KCNK13: variants seen among roughly 807,000 people sequenced by gnomAD.
The protein encoded by KCNK13 is potassium channel subfamily K member 13.
In KCNK13, 12 loss-of-function variants were observed where a neutral mutation model predicts 23.4. The ratio of observed to expected loss-of-function variants is 0.51; its 90% CI spans 0.33 to 0.83. The LOEUF is 0.83. KCNK13 is among the 40% of genes least tolerant of loss of function. The probability of loss-of-function intolerance (pLI) is 0.02; values close to 1 mark genes in which losing one functional copy is unlikely to be tolerated. For synonymous variants in KCNK13, 231 were observed against 229.5 expected, an observed-to-expected ratio of 1.01 and a Z score of -0.06; for missense variants, 463 against 556.3, an observed-to-expected ratio of 0.83 and a Z score of 1.69.
chr14:90,139,353 C>A (rs1206493243), intron 1 of KCNK13, among the ~76,000 whole-genome samples: 2 of 152,030 alleles, frequency 1.3e-5, no homozygotes, highest in Non-Finnish European at 2.9e-5. Flanking sequence ...GAAGAGCATT[C>A]CAGGCAGAGA....
chr14:90,104,411 C>G (rs1176327982), intron 1 of KCNK13, among the ~76,000 whole-genome samples: 1 of 152,200 alleles, frequency 6.6e-6, no homozygotes, highest in African/African-American at 2.4e-5. Flanking sequence ...TTCTGGAAAC[C>G]TCACTGAGAA....
At chr14:90,167,741 T>C (rs945957392) in intron 1 of KCNK13, among the ~76,000 whole-genome samples, 5 of 152,102 alleles carry the variant, frequency 3.3e-5, no homozygotes, top group Admixed American at 1.3e-4. Context: ...CTCTATCACA[T>C]TGCTGCATCT....
intron 1 of KCNK13, among the ~76,000 whole-genome samples, chr14:90,087,154 A>ATATATTTT (rs1282261147): frequency 2.8e-5 from 3 of 107,646 alleles, no homozygotes; most frequent in African/African-American, 1.1e-4. Context: ...ATATATATAT[A>ATATATTTT]TTTTTTTTTT....
At chr14:90,117,760 C>T (rs1889694018) in intron 1 of KCNK13, among the ~76,000 whole-genome samples, 1 of 152,128 alleles carries the variant, frequency 6.6e-6, no homozygotes, top group Non-Finnish European at 1.5e-5. Context: ...GCACCCATTA[C>T]CTCTATCTAG....
chr14:90,088,522 C>T (rs1889307545), intron 1 of KCNK13, among the ~76,000 whole-genome samples: 1 of 152,202 alleles, frequency 6.6e-6, no homozygotes, highest in South Asian at 2.1e-4. Flanking sequence ...CTGCTGTGGA[C>T]CTCAGAGTGC....
intron 1 of KCNK13, among the ~76,000 whole-genome samples, chr14:90,095,483 C>T (rs1889399858): frequency 6.6e-6 from 1 of 150,516 alleles, no homozygotes; most frequent in Non-Finnish European, 1.5e-5. Flanking sequence ...TCTTCTGCTG[C>T]TTCTAATCAG....
At chr14:90,071,930 G>A (rs977409600) in intron 1 of KCNK13, among the ~76,000 whole-genome samples, 1 of 152,008 alleles carries the variant, frequency 6.6e-6, no homozygotes, top group African/African-American at 2.4e-5. Flanking sequence ...GAGAAGAGTA[G>A]GGGAAGATGG....
At chr14:90,078,125 G>T (rs1889161810) in intron 1 of KCNK13, among the ~76,000 whole-genome samples, 3 of 152,110 alleles carry the variant, frequency 2.0e-5, no homozygotes, top group African/African-American at 7.2e-5. Context: ...GCTGTATAAA[G>T]AAATGTATAA....
chr14:90,165,949 C>G (rs566262558), intron 1 of KCNK13, among the ~76,000 whole-genome samples: 18 of 152,298 alleles, frequency 1.2e-4, no homozygotes, highest in African/African-American at 4.1e-4. Context: ...GATTCCCATG[C>G]AGCCGATTTT....
intron 1 of KCNK13, among the ~76,000 whole-genome samples, chr14:90,103,314 T>C (rs1327475805): frequency 1.3e-5 from 2 of 152,216 alleles, no homozygotes; most frequent in Non-Finnish European, 2.9e-5. Flanking sequence ...ATAGGATTTC[T>C]GGATCAAACG....
chr14:90,117,937 T>C (rs8008501), intron 1 of KCNK13, among the ~76,000 whole-genome samples: 73,567 of 152,118 alleles, frequency 0.48, 17,829 homozygotes, highest in African/African-American at 0.5. Flanking sequence ...AGTATGTGAC[T>C]TTTGTGTCTG....
intron 1 of KCNK13, among the ~76,000 whole-genome samples, chr14:90,179,674 C>T (rs1168761806): frequency 6.6e-6 from 1 of 152,160 alleles, no homozygotes; most frequent in Non-Finnish European, 1.5e-5. Flanking sequence ...GGGCTGAACA[C>T]CGATCAGATA....
chr14:90,109,176 CA>C (rs200541882), intron 1 of KCNK13, among the ~76,000 whole-genome samples: 2,777 of 131,220 alleles, frequency 0.021, 78 homozygotes, highest in African/African-American at 0.07. Context: ...GACTCCGTCT[CA>C]AAAAAAAAAA....
At chr14:90,183,347 C>T (rs1264467105) in intron 1 of KCNK13, among the ~76,000 whole-genome samples, 1 of 152,082 alleles carries the variant, frequency 6.6e-6, no homozygotes, top group Non-Finnish European at 1.5e-5. Flanking sequence ...GCTAGAAATG[C>T]CCATAATCCC....
chr14:90,119,130 C>T (rs550331504), intron 1 of KCNK13, among the ~76,000 whole-genome samples: 121 of 152,166 alleles, frequency 8.0e-4, no homozygotes, highest in Non-Finnish European at 1.3e-3. Flanking sequence ...TAACAAGCTC[C>T]AAAATTGAAT....
In KCNK13 at chr14:90,184,135, CAGT is replaced by C. The variant is rs1890517744; in HGVS notation, c.362_364del (p.Val121del). The C allele has an allele frequency of 6.2e-7, 1 of 1,613,570 alleles. No individual in the cohort carries two copies. Among genetic ancestry groups the C allele is most frequent in the Admixed American group, 1.7e-5 (1 of 60,010 alleles). ...GGGTTTGGGATGACAACTCCGGCGA[CAGT>C]AGGAGGAAAAATCTTTCTGATCTTT... On this transcript the variant is annotated inframe_deletion, in exon 2 of 2. Transcript: ENST00000282146. This position sits in a 1 kb window ranked among gnomAD's most constrained non-coding sequence, Gnocchi z 5.6.
chr14:90,062,219 G>A lies in KCNK13; in HGVS notation c.14G>A (p.Gly5Asp), dbSNP rs1482676854. ...GGGGGCCCGGCCATGGCTGGCCGGG[G>A]TTTCAGCTGGGGCCCGGGCCACCTG... MAGR[G>D]FSWGPGHLNE... The change falls in exon 1 of 2, where the codon GGT becomes GAT. Residue 5 changes from glycine (G) to aspartate (D), a missense_variant. Gly to Asp is a moderately conservative substitution (Grantham distance 94). Around this residue, in one of 3 missense-constraint regions of KCNK13, gnomAD observed 153 missense variants for 153.6 expected, o/e 1.00. Coordinates refer to ENST00000282146, the MANE Select transcript of KCNK13 (RefSeq NM_022054.4). This position sits in a 1 kb window ranked among gnomAD's most constrained non-coding sequence, Gnocchi z 4.5. The A allele has an allele frequency of 2.7e-6, 4 of 1,461,976 alleles. No individual in the cohort carries two copies. The highest frequency in any genetic ancestry group is 3.6e-6 in the Non-Finnish European group (4 of 1,113,384). The allele number at this position is 1,461,976 out of a possible 1,614,324, so 90.6% of individuals were successfully genotyped here. A position where few individuals can be genotyped will look rare whatever the true frequency, so the allele number is the denominator to read the frequency against.
chr14:90,122,795 AG>A (rs1889754511), intron 1 of KCNK13, among the ~76,000 whole-genome samples: 1 of 152,190 alleles, frequency 6.6e-6, no homozygotes, highest in Non-Finnish European at 1.5e-5. Flanking sequence ...ATAGAAGAAA[AG>A]GTTTGCATGG....
At chr14:90,169,957 T>A (rs888989282) in intron 1 of KCNK13, among the ~76,000 whole-genome samples, 7 of 152,120 alleles carry the variant, frequency 4.6e-5, no homozygotes, top group African/African-American at 2.4e-5. Flanking sequence ...CTTCCCAAAT[T>A]GGGCTATAAG....
Sources: allele counts gnomAD v4.1 joint callset (sites outside exome capture counted in the v4.1 genomes callset), GRCh38; gene constraint gnomAD v4.1.1; regional missense constraint gnomAD v4.1.1; non-coding constraint Gnocchi (gnomAD v3.1); transcripts MANE v1.5; gene names NCBI Gene and HGNC (gene_info 2026-07-23, HGNC 2026-07-21).